Variants in EFEMP1 observed in about 807,000 individuals in gnomAD.
The protein encoded by EFEMP1 is EGF-like fibulin extracellular matrix protein 1, also known as EGF-containing fibulin-like extracellular matrix protein 1.
EFEMP1 carries 18 observed loss-of-function variants against 65.7 expected under a neutral mutation model. That is an observed-to-expected ratio of 0.27 (90% CI 0.19 to 0.41). The LOEUF (loss-of-function observed/expected upper bound fraction) is 0.41, where lower values mean the gene tolerates loss of function less well. EFEMP1 is among the 10% of genes least tolerant of loss of function. The pLI is 1.00. For missense variants in EFEMP1, 469 were observed against 624.8 expected (o/e 0.75, Z 2.66); for synonymous variants, 237 against 219.7 (o/e 1.08, Z -0.70).
In EFEMP1 at chr2:55,922,024, G is replaced by A. The variant is rs113100678; in HGVS notation, c.81+336C>T. On this transcript the variant is annotated intron_variant, in intron 3 of 11. Transcript: ENST00000355426. The surrounding 1 kb of genome is among the most constrained non-coding windows in gnomAD (Gnocchi z 5.5). The stretch of plus-strand genomic sequence containing the variant: ...TTGGTTTTATCTGCATGTGGTAGGA[G>A]TCCAGGTTTTCCAGTTCCTTACACC... 3,191 of 347,382 alleles carry A rather than the reference G, an allele frequency of 9.2e-3. 73 individuals carry two copies. Among genetic ancestry groups the A allele is most frequent in the African/African-American group, 0.058 (2,736 of 47,058 alleles). The allele number at this position is 347,382 out of a possible 1,614,324, so 21.5% of individuals were successfully genotyped here.
At chr2:55,907,432 C>A (rs972079508) in intron 5 of EFEMP1, among the ~76,000 whole-genome samples, 3 of 152,132 alleles carry the variant, frequency 2.0e-5, no homozygotes, top group African/African-American at 7.2e-5. Context: ...GAAGTGGAAT[C>A]TTTTGATATC....
In EFEMP1 at chr2:55,866,818, T is replaced by C. The variant is rs780676062; in HGVS notation, c.*255A>G. ...AGGAAAGAATCCAAGTTTCACCAGA[T>C]AGTGTATACTTAGCTCTCTTGAAGA... On this transcript the variant is annotated 3_prime_UTR_variant, in exon 12 of 12. Transcript: ENST00000355426. 1.2e-5 allele frequency: 5 copies of C among 423,926 alleles called. No individual in the cohort carries two copies. The highest frequency in any genetic ancestry group is 2.1e-5 in the Non-Finnish European group (5 of 232,880). 26.3% of individuals were successfully genotyped at this position (423,926 alleles called of 1,614,324 possible).
chr2:55,916,556 C>A (rs1451237243), intron 5 of EFEMP1, among the ~76,000 whole-genome samples: 1 of 152,124 alleles, frequency 6.6e-6, no homozygotes, highest in African/African-American at 2.4e-5. Flanking sequence ...CTATTGAAAC[C>A]CTTGGTGTTA....
rs1467316832 is a variant in EFEMP1 at position 55,918,006 on chromosome 2, A to G, written c.176T>C (p.Met59Thr). 1 of 1,614,216 alleles carries G rather than the reference A, an allele frequency of 6.2e-7. No homozygotes were observed. Residue 59 changes from methionine to threonine, a missense_variant, in exon 5 of 12, where the codon ATG (methionine) becomes ACG (threonine). Physicochemically the swap from Met to Thr is moderately conservative, Grantham distance 81 (BLOSUM62 -1). Coordinates refer to ENST00000355426, the MANE Select transcript of EFEMP1 (RefSeq NM_001039348.3). The stretch of plus-strand genomic sequence containing the variant: ...TCCTCCATAGTGGTTGACACACTTC[A>G]TTCCACCTTTACAAGCGTCTGGGAC... ...DIVPDACKGG[M>T]KCVNHYGGYL...
rs972954826 is a variant in EFEMP1, at chr2:55,870,490, T to C, written c.1320+230A>G. 1.3e-4 allele frequency among the ~76,000 whole-genome samples: 20 copies of C among 152,074 alleles called. No homozygotes were observed. The highest frequency in any genetic ancestry group is 4.3e-4 in the African/African-American group (18 of 41,404). On this transcript the variant is annotated intron_variant, in intron 11 of 11. Coordinates refer to ENST00000355426, the MANE Select transcript of EFEMP1 (RefSeq NM_001039348.3). This position sits in a 1 kb window ranked among gnomAD's most constrained non-coding sequence, Gnocchi z 5.8. ...GCTACTTAATCTTTCTGCATCTCAC[T>C]TTTCTCCTCTGTAAAAAATGGAGAT...
chr2:55,918,195 TG>T, intron 4 of EFEMP1, 23 bp downstream of exon 4: 1 of 1,614,100 alleles, frequency 6.2e-7, no homozygotes, highest in Non-Finnish European at 8.5e-7. Context: ...AATGATCACA[TG>T]GAAGTCTTTG....
chr2:55,887,007 T>C (rs555282756), intron 5 of EFEMP1, among the ~76,000 whole-genome samples: 9 of 152,260 alleles, frequency 5.9e-5, no homozygotes, highest in African/African-American at 2.2e-4. Context: ...CTAAAATTAA[T>C]TGGTATAAAA....
intron 5 of EFEMP1, among the ~76,000 whole-genome samples, chr2:55,915,282 A>G (rs55837620): frequency 0.013 from 1,998 of 152,330 alleles, 43 homozygotes; most frequent in African/African-American, 0.045. Flanking sequence ...ACCTGTGTGC[A>G]CACAGTCAAC....
chr2:55,908,395 C>T (rs1239156858), intron 5 of EFEMP1, among the ~76,000 whole-genome samples: 1 of 152,000 alleles, frequency 6.6e-6, no homozygotes, highest in Non-Finnish European at 1.5e-5. Flanking sequence ...AAGTCAAACT[C>T]ATAGAAGTAG....
intron 5 of EFEMP1, among the ~76,000 whole-genome samples, chr2:55,894,150 C>A (rs1669729252): frequency 6.6e-6 from 1 of 152,122 alleles, no homozygotes; most frequent in African/African-American, 2.4e-5. Flanking sequence ...TAAAGACTAC[C>A]TAGCACACAT....
intron 5 of EFEMP1, among the ~76,000 whole-genome samples, chr2:55,910,940 C>T (rs1411661960): frequency 6.6e-6 from 1 of 152,118 alleles, no homozygotes; most frequent in Non-Finnish European, 1.5e-5. Flanking sequence ...AACCGAACCG[C>T]TACAGCATTG....
intron 5 of EFEMP1, among the ~76,000 whole-genome samples, chr2:55,904,813 T>A (rs1230724949): frequency 6.6e-6 from 1 of 152,170 alleles, no homozygotes; most frequent in African/African-American, 2.4e-5. Flanking sequence ...TTGGCTTCCA[T>A]AATCACATGA....
intron 5 of EFEMP1, among the ~76,000 whole-genome samples, chr2:55,901,367 TAA>T (rs1480997147): frequency 6.6e-6 from 1 of 152,242 alleles, no homozygotes; most frequent in East Asian, 1.9e-4. Flanking sequence ...TAAAAGACTT[TAA>T]ACTAGTTTTA....
intron 7 of EFEMP1, 114 bp from the exon 8 acceptor site, chr2:55,876,856 G>A (rs1005733371): frequency 1.7e-5 from 9 of 518,240 alleles, no homozygotes; most frequent in Non-Finnish European, 2.0e-5. Context: ...CTGCTGACAA[G>A]TGAGTAATTC....
At chr2:55,869,154 T>C (rs945180628) in intron 11 of EFEMP1, among the ~76,000 whole-genome samples, 1 of 152,136 alleles carries the variant, frequency 6.6e-6, no homozygotes, top group Admixed American at 6.6e-5. Context: ...GAATAATAAA[T>C]AACTGTAAAA....
intron 3 of EFEMP1, among the ~76,000 whole-genome samples, chr2:55,920,567 C>T (rs2104456259): frequency 6.6e-6 from 1 of 152,282 alleles, no homozygotes; most frequent in South Asian, 2.1e-4. Context: ...TCTTTCAAGC[C>T]AGGCAAAAAT....
At position 55,883,982 on chromosome 2, in the gene EFEMP1, A is replaced by G. The variant is rs764904727; in HGVS notation, c.518-2248T>C. Among the ~76,000 whole-genome samples, 6 of 152,196 alleles carry G rather than the reference A, an allele frequency of 3.9e-5. No individual in the cohort carries two copies. Among genetic ancestry groups the G allele is most frequent in the Admixed American group, 3.3e-4 (5 of 15,280 alleles). On this transcript the variant is annotated intron_variant, in intron 5 of 11. Transcript: ENST00000355426. The surrounding 1 kb of genome is among the most constrained non-coding windows in gnomAD (Gnocchi z 4.5). The stretch of plus-strand genomic sequence containing the variant: ...CCACCAACACCCAAACAAAGCTGCA[A>G]CAAGACTTGCCTCACCTAGGACTGA...
intron 5 of EFEMP1, among the ~76,000 whole-genome samples, chr2:55,915,177 C>A (rs1447982471): frequency 2.6e-5 from 4 of 152,152 alleles, no homozygotes; most frequent in Non-Finnish European, 5.9e-5. Flanking sequence ...CCTAAGCCTT[C>A]CAAAAAACTT....
rs1378467802 is a variant in EFEMP1, at chr2:55,877,683, T to C, written c.760+63A>G. On this transcript the variant is annotated intron_variant, in intron 7 of 11. Transcript: ENST00000355426. The surrounding 1 kb of genome is among the most constrained non-coding windows in gnomAD (Gnocchi z 4.5). Reference sequence around the variant, plus strand: ...CAAGAACATAGAAAACTGGAAATACTGCAACATGGCATGGGGTTTCCTTTT... The same window carrying C: ...CAAGAACATAGAAAACTGGAAATACCGCAACATGGCATGGGGTTTCCTTTT... The C allele has an allele frequency of 1.5e-5, 24 of 1,609,134 alleles. No individual in the cohort carries two copies. In the Admixed American group the frequency reaches 3.7e-4, roughly 25 times the overall value.
Sources: allele counts gnomAD v4.1 joint callset (sites outside exome capture counted in the v4.1 genomes callset), GRCh38; gene constraint gnomAD v4.1.1; non-coding constraint Gnocchi (gnomAD v3.1); transcripts MANE v1.5; gene names NCBI Gene and HGNC (gene_info 2026-07-23, HGNC 2026-07-21).